Variants in MYT1L observed in about 807,000 individuals in gnomAD.
MYT1L encodes the protein myelin transcription factor 1 like, also known as myelin transcription factor 1-like protein.
Under a neutral mutation model 126.7 loss-of-function variants are expected in MYT1L, and 12 were observed. The observed-to-expected ratio is 0.09, with a 90% CI of 0.06 to 0.15. The LOEUF is 0.15. Ranked by LOEUF, MYT1L falls within the 10% of genes least tolerant of loss-of-function variation. The pLI is 1.00. For synonymous variants in MYT1L, 541 were observed against 604.2 expected (o/e 0.90, Z 1.53); for missense variants, 979 against 1,585.2 (o/e 0.62, Z 6.49).
At chr2:1,871,090 G>A (rs371165276) in intron 18 of MYT1L, among the ~76,000 whole-genome samples, 1,660 of 152,344 alleles carry the variant, frequency 0.011, 33 homozygotes, top group African/African-American at 0.036. Flanking sequence ...AGCTGAGGAG[G>A]GGCAGCTGGG....
chr2:2,083,165 T>C (rs1330304630), intron 3 of MYT1L, among the ~76,000 whole-genome samples: 1 of 152,198 alleles, frequency 6.6e-6, no homozygotes, highest in Non-Finnish European at 1.5e-5. Context: ...TCTAAGCCAG[T>C]TGGAATACTT....
intron 2 of MYT1L, among the ~76,000 whole-genome samples, chr2:2,216,073 C>CTTCCA (rs775784670): frequency 4.0e-5 from 3 of 74,972 alleles, no homozygotes; most frequent in East Asian, 2.7e-4. Flanking sequence ...CTCAGTTCCA[C>CTTCCA]GTTCCACCTC....
intron 4 of MYT1L, among the ~76,000 whole-genome samples, chr2:2,021,100 T>A (rs2064989798): frequency 6.6e-6 from 1 of 152,206 alleles, no homozygotes; most frequent in Admixed American, 6.5e-5. Context: ...CCGGAGGGGC[T>A]GCTTTAGAAG....
Position 1,791,938 on chromosome 2 carries a change from G to A in MYT1L, c.3490C>T (p.Arg1164Cys), listed in dbSNP as rs772863694. Residue 1164 changes from arginine to cysteine, a missense_variant, in exon 25 of 25, where the codon CGT becomes TGT. Physicochemically the swap from Arg to Cys is radical, Grantham distance 180. Coordinates refer to ENST00000647738, the MANE Select transcript of MYT1L (RefSeq NM_001303052.2). This position sits in a 1 kb window ranked among gnomAD's most constrained non-coding sequence, Gnocchi z 6.0. ...GCTTTATTTTCTGGACTCTGATAACGATCTTGATTTGTATACATTTCCGTC... is the reference window on the plus strand; with the variant it reads ...GCTTTATTTTCTGGACTCTGATAACAATCTTGATTTGTATACATTTCCGTC... ...TLTEMYTNQD[R>C]YQSPENKALL... 1 of 1,610,410 alleles carries A rather than the reference G, an allele frequency of 6.2e-7. No individual in the cohort carries two copies. The highest frequency in any genetic ancestry group is 8.5e-7 in the Non-Finnish European group (1 of 1,178,748).
intron 2 of MYT1L, among the ~76,000 whole-genome samples, chr2:2,215,755 T>A (rs1572535702): frequency 6.6e-6 from 1 of 152,308 alleles, no homozygotes; most frequent in East Asian, 1.9e-4. Context: ...CAGTGAACAT[T>A]TACCAAGTGA....
intron 23 of MYT1L, among the ~76,000 whole-genome samples, chr2:1,798,984 T>A (rs1432070964): frequency 6.6e-6 from 1 of 152,204 alleles, no homozygotes; most frequent in Non-Finnish European, 1.5e-5. Flanking sequence ...TGCCTGTCTC[T>A]GAGCTCAGGC....
intron 2 of MYT1L, among the ~76,000 whole-genome samples, chr2:2,281,925 G>A (rs1007498570): frequency 2.0e-5 from 3 of 152,218 alleles, no homozygotes; most frequent in Non-Finnish European, 4.4e-5. Context: ...CTTTTTAGCG[G>A]TAGGTGGCAT....
chr2:2,032,494 G>A (rs1385914721), intron 4 of MYT1L, among the ~76,000 whole-genome samples: 5 of 135,782 alleles, frequency 3.7e-5, no homozygotes, highest in African/African-American at 8.5e-5. Context: ...CCTCCCCAGT[G>A]CCTCTCATCC....
At position 2,302,787 on chromosome 2, in the gene MYT1L, T is replaced by G. The variant is rs73912009; in HGVS notation, c.-520-18284A>C. On this transcript the variant is annotated intron_variant, in intron 1 of 24. Coordinates refer to ENST00000647738, the MANE Select transcript of MYT1L (RefSeq NM_001303052.2). ...TAATTAGATTGTAGACGTGGTAATG[T>G]GCAGTAATGGTTTGATGCGTGAACA... is the stretch of plus-strand genomic sequence containing the variant. Among the ~76,000 whole-genome samples the G allele has an allele frequency of 6.3e-3, 953 of 152,334 alleles. 10 individuals are homozygous for G. The highest frequency in any genetic ancestry group is 0.021 in the African/African-American group (875 of 41,572).
chr2:2,297,361 G>GAT (rs2095710825), intron 1 of MYT1L, among the ~76,000 whole-genome samples: 1 of 152,208 alleles, frequency 6.6e-6, no homozygotes, highest in African/African-American at 2.4e-5. Flanking sequence ...ACCGTGTGTG[G>GAT]GGTGGATGGG....
At chr2:2,062,015 G>C (rs1431370929) in intron 3 of MYT1L, among the ~76,000 whole-genome samples, 1 of 152,154 alleles carries the variant, frequency 6.6e-6, no homozygotes, top group Admixed American at 6.5e-5. Flanking sequence ...TACCACAGGG[G>C]GCTGCGCGGT....
intron 4 of MYT1L, among the ~76,000 whole-genome samples, chr2:2,044,784 C>T (rs1446815942): frequency 6.6e-6 from 1 of 152,186 alleles, no homozygotes; most frequent in East Asian, 1.9e-4. Flanking sequence ...TGTCTGTAGT[C>T]ACTTTAAAAA....
intron 4 of MYT1L, among the ~76,000 whole-genome samples, chr2:2,037,554 A>AAT (rs1383730933): frequency 6.6e-6 from 1 of 151,770 alleles, no homozygotes; most frequent in Non-Finnish European, 1.5e-5. Flanking sequence ...TCAGGAGTTT[A>AAT]AGACCAGCCT....
chr2:2,239,243 G>A (rs2094390289), intron 2 of MYT1L, among the ~76,000 whole-genome samples: 1 of 152,350 alleles, frequency 6.6e-6, no homozygotes, highest in East Asian at 1.9e-4. Flanking sequence ...CATGTCAAAT[G>A]TATGCATATG....
In MYT1L at chr2:1,910,213, C is replaced by T; in HGVS notation, c.1817+27G>A. On this transcript the variant is annotated intron_variant, in intron 13 of 24. Coordinates refer to ENST00000647738, the MANE Select transcript of MYT1L (RefSeq NM_001303052.2). The surrounding 1 kb of genome is among the most constrained non-coding windows in gnomAD (Gnocchi z 4.8). ...TGTGGGGCAGACTATGGATAGAGCT[C>T]ACGGATGGTGCACTCCTGCTGGGTA... The T allele has an allele frequency of 6.3e-7, 1 of 1,599,496 alleles. No individual in the cohort carries two copies. The highest frequency in any genetic ancestry group is 8.6e-7 in the Non-Finnish European group (1 of 1,169,278).
Position 1,947,322 on chromosome 2 carries a change from A to G in MYT1L, c.153-3988T>C, listed in dbSNP as rs577301616. 5.9e-5 allele frequency among the ~76,000 whole-genome samples: 9 copies of G among 152,250 alleles called. No homozygotes were observed. The East Asian group carries it at 1.7e-3, about 29-fold the overall frequency. On this transcript the variant is annotated intron_variant, in intron 8 of 24. Transcript: ENST00000647738. ...GCGATGTTGGCCCCATGAGGTTTAG[A>G]GGAGGGGAGTGGAGATTTTCCTTAG...
chr2:1,899,116 G>C (rs2050003747), intron 14 of MYT1L, among the ~76,000 whole-genome samples: 1 of 148,156 alleles, frequency 6.7e-6, no homozygotes, highest in East Asian at 2.2e-4. Flanking sequence ...GTGTTGCCTG[G>C]AGACACAGCA....
chr2:2,058,852 A>T (rs1018160442), intron 3 of MYT1L, among the ~76,000 whole-genome samples: 1 of 152,188 alleles, frequency 6.6e-6, no homozygotes, highest in Non-Finnish European at 1.5e-5. Flanking sequence ...CTTCTCAGTG[A>T]CATCTGTGTC....
intron 3 of MYT1L, among the ~76,000 whole-genome samples, chr2:2,074,249 C>A (rs923146258): frequency 1.1e-4 from 17 of 152,168 alleles, no homozygotes; most frequent in Non-Finnish European, 1.0e-4. Context: ...AAACATGCCA[C>A]TTTTATTTCT....
Sources: allele counts gnomAD v4.1 joint callset (sites outside exome capture counted in the v4.1 genomes callset), GRCh38; gene constraint gnomAD v4.1.1; non-coding constraint Gnocchi (gnomAD v3.1); transcripts MANE v1.5; gene names NCBI Gene and HGNC (gene_info 2026-07-23, HGNC 2026-07-21).